Variants in SGCD observed in about 807,000 individuals in gnomAD.
SGCD encodes sarcoglycan delta, also known as delta-sarcoglycan.
Under a neutral mutation model 36.6 loss-of-function variants are expected in SGCD, and 18 were observed. That is an observed-to-expected ratio of 0.49 (90% confidence interval 0.34 to 0.73). SGCD has a LOEUF of 0.73. Ranked by LOEUF, SGCD falls within the 30% of genes least tolerant of loss-of-function variation. SGCD has a pLI of 0.01. For synonymous variants in SGCD, 133 were observed against 130.6 expected (o/e 1.02, Z -0.12); for missense variants, 387 against 346.7 (o/e 1.12, Z -0.92).
At chr5:156,043,201 A>G (rs1454343226) in intron 1 of SGCD, among the ~76,000 whole-genome samples, 1 of 152,162 alleles carries the variant, frequency 6.6e-6, no homozygotes, top group Non-Finnish European at 1.5e-5. Context: ...AACAAGTATC[A>G]ATACATGAAG....
chr5:155,886,487 TGTGTGTGCGCGCACGCGCGCGTGC>T (rs1198759685), intron 1 of SGCD, among the ~76,000 whole-genome samples: 31 of 151,330 alleles, frequency 2.0e-4, no homozygotes, highest in African/African-American at 7.1e-4. Flanking sequence ...GGAATGTGTG[TGTGTGTGCGCGCACGCGCGCGTGC>T]GTGTGTGTGT....
chr5:156,592,956 C>T (rs1253364188), intron 5 of SGCD, among the ~76,000 whole-genome samples: 1 of 152,090 alleles, frequency 6.6e-6, no homozygotes, highest in African/African-American at 2.4e-5. Flanking sequence ...ACGTGTTGTC[C>T]CATTGCAGTA....
At chr5:156,437,420 A>G (rs1169262300) in intron 3 of SGCD, among the ~76,000 whole-genome samples, 1 of 152,144 alleles carries the variant, frequency 6.6e-6, no homozygotes, top group African/African-American at 2.4e-5. Context: ...AGTATTGTCT[A>G]TGGCAAAGGA....
intron 7 of SGCD, among the ~76,000 whole-genome samples, chr5:156,694,696 G>A (rs1239165207): frequency 6.6e-6 from 1 of 151,996 alleles, no homozygotes; most frequent in Non-Finnish European, 1.5e-5. Context: ...AAGACCTAAA[G>A]ACTTTTAGAC....
chr5:156,114,188 T>C (rs1311959797), intron 1 of SGCD, among the ~76,000 whole-genome samples: 1 of 152,084 alleles, frequency 6.6e-6, no homozygotes, highest in African/African-American at 2.4e-5. Flanking sequence ...GGTTCATCAA[T>C]TGTAAGAAAT....
intron 1 of SGCD, among the ~76,000 whole-genome samples, chr5:156,061,739 A>G (rs1297885897): frequency 6.9e-6 from 1 of 145,278 alleles, no homozygotes; most frequent in East Asian, 1.9e-4. Flanking sequence ...GTAAAGAAAA[A>G]GTAAGACCCA....
At chr5:155,898,190 C>T (rs1012577420) in intron 1 of SGCD, among the ~76,000 whole-genome samples, 1 of 152,100 alleles carries the variant, frequency 6.6e-6, no homozygotes, top group African/African-American at 2.4e-5. Context: ...GGTAAATTGT[C>T]CCTGCTATCC....
At chr5:156,245,299 C>T (rs1765413566) in intron 3 of SGCD, among the ~76,000 whole-genome samples, 2 of 152,098 alleles carry the variant, frequency 1.3e-5, no homozygotes, top group African/African-American at 2.4e-5. Flanking sequence ...GTGTGAACAG[C>T]ACCTCAGGAT....
intron 3 of SGCD, among the ~76,000 whole-genome samples, chr5:156,279,972 AAC>A: frequency 6.6e-6 from 1 of 151,410 alleles, no homozygotes; most frequent in African/African-American, 2.4e-5. Context: ...ATACTGTTGA[AAC>A]ACACATACAA....
intron 7 of SGCD, among the ~76,000 whole-genome samples, chr5:156,726,580 A>T (rs1449946482): frequency 6.6e-6 from 1 of 151,902 alleles, no homozygotes; most frequent in Non-Finnish European, 1.5e-5. Context: ...TGGCCTATTC[A>T]CCCCTCTCCA....
At chr5:155,822,700 A>C in the SGCD span, among the ~76,000 whole-genome samples, 1 of 152,206 alleles carries the variant, frequency 6.6e-6, no homozygotes, top group Non-Finnish European at 1.5e-5. Context: ...ACACATTGAT[A>C]GTTTTGTTTT....
the SGCD span, among the ~76,000 whole-genome samples, chr5:155,736,947 G>T: frequency 6.6e-6 from 1 of 152,162 alleles, no homozygotes; most frequent in Non-Finnish European, 1.5e-5. Context: ...ATGTAGAAGG[G>T]CAGGAGGAAA....
chr5:156,160,566 T>G (rs1211035841), intron 3 of SGCD, among the ~76,000 whole-genome samples: 2 of 151,744 alleles, frequency 1.3e-5, no homozygotes, highest in African/African-American at 4.9e-5. Context: ...ATAAGTGCTT[T>G]GTTGAGTTAT....
At chr5:156,036,312 T>G (rs1388067697) in intron 1 of SGCD, among the ~76,000 whole-genome samples, 4 of 151,612 alleles carry the variant, frequency 2.6e-5, no homozygotes, top group Non-Finnish European at 5.9e-5. Flanking sequence ...ACAAGCAGAG[T>G]TTTTAAAGGC....
chr5:156,625,599 GC>G (rs1473151867), intron 6 of SGCD, among the ~76,000 whole-genome samples: 1 of 152,264 alleles, frequency 6.6e-6, no homozygotes, highest in East Asian at 1.9e-4. Flanking sequence ...TGTAAAATCT[GC>G]CCCTTCAGTG....
At chr5:156,608,943 C>A (rs1375293393) in intron 6 of SGCD, among the ~76,000 whole-genome samples, 1 of 152,064 alleles carries the variant, frequency 6.6e-6, no homozygotes, top group Non-Finnish European at 1.5e-5. Flanking sequence ...TGTGTCTCTG[C>A]ACATGAGATG....
the SGCD span, among the ~76,000 whole-genome samples, chr5:155,774,595 G>A: frequency 3.9e-5 from 6 of 152,110 alleles, no homozygotes; most frequent in African/African-American, 1.4e-4. Context: ...GTGGCTGCCA[G>A]CATTCCATGG....
intron 7 of SGCD, among the ~76,000 whole-genome samples, chr5:156,670,490 G>C (rs776267899): frequency 1.1e-4 from 17 of 152,096 alleles, no homozygotes; most frequent in Non-Finnish European, 2.2e-4. Flanking sequence ...GCCCCTGCTG[G>C]GTGTATAGAC....
At chr5:155,881,746 C>T (rs1755892456) in intron 1 of SGCD, among the ~76,000 whole-genome samples, 1 of 152,202 alleles carries the variant, frequency 6.6e-6, no homozygotes, top group Admixed American at 6.5e-5. Context: ...CCTCTCGAAT[C>T]CTGCTGCTGC....
Sources: allele counts gnomAD v4.1 joint callset (sites outside exome capture counted in the v4.1 genomes callset), GRCh38; gene constraint gnomAD v4.1.1; transcripts MANE v1.5; gene names NCBI Gene and HGNC (gene_info 2026-07-23, HGNC 2026-07-21).